The following PTK2 variants were observed in gnomAD, a reference collection of about 807,000 sequenced individuals.
PTK2 encodes focal adhesion kinase 1.
In PTK2, 45 loss-of-function variants were observed where a neutral mutation model predicts 150.1. That is an observed-to-expected ratio of 0.30 (90% CI 0.24 to 0.38). The LOEUF (loss-of-function observed/expected upper bound fraction) is 0.38, where lower values mean the gene tolerates loss of function less well. Among genes scored for constraint, PTK2 ranks in the 10% least tolerant of loss-of-function variants. The pLI is 1.00. For missense variants in PTK2, 919 were observed against 1,307.3 expected (o/e 0.70, Z 4.58); for synonymous variants, 432 against 449.2 (o/e 0.96, Z 0.48).
intron 1 of PTK2, among the ~76,000 whole-genome samples, chr8:140,948,295 A>ACT (rs2100178370): frequency 6.6e-6 from 1 of 152,236 alleles, no homozygotes; most frequent in Admixed American, 6.5e-5. Flanking sequence ...TCCCCAGAAC[A>ACT]CTTGTAGTTG....
At chr8:140,701,730 G>A (rs2100030577) in intron 25 of PTK2, among the ~76,000 whole-genome samples, 1 of 152,068 alleles carries the variant, frequency 6.6e-6, no homozygotes, top group African/African-American at 2.4e-5. Context: ...CAAATAAATG[G>A]ACTAAAGATT....
At chr8:140,706,554 C>T (rs1180088685) in intron 23 of PTK2, among the ~76,000 whole-genome samples, 1 of 152,066 alleles carries the variant, frequency 6.6e-6, no homozygotes, top group Admixed American at 6.5e-5. Flanking sequence ...GCCTGTAATC[C>T]CAGCACTTTG....
chr8:140,786,284 T>C (rs1389949885), intron 14 of PTK2, among the ~76,000 whole-genome samples: 2 of 152,200 alleles, frequency 1.3e-5, no homozygotes, highest in Non-Finnish European at 2.9e-5. Flanking sequence ...TGAACACGCT[T>C]ACTGTGGAGA....
chr8:140,882,614 T>G (rs1600422800), intron 3 of PTK2, among the ~76,000 whole-genome samples: 1 of 152,186 alleles, frequency 6.6e-6, no homozygotes, highest in East Asian at 1.9e-4. Context: ...TTTTCAAGGT[T>G]AAAATAAAAG....
At chr8:140,810,622 C>T (rs1352113557) in intron 10 of PTK2, among the ~76,000 whole-genome samples, 3 of 152,164 alleles carry the variant, frequency 2.0e-5, no homozygotes, top group Non-Finnish European at 4.4e-5. Flanking sequence ...GTTTTGCTGG[C>T]ACCTGTGTAC....
At chr8:140,697,415 T>C (rs902306787) in intron 26 of PTK2, among the ~76,000 whole-genome samples, 2 of 117,912 alleles carry the variant, frequency 1.7e-5, no homozygotes, top group African/African-American at 7.6e-5. Context: ...TAGAATACGG[T>C]TTGTGTGTGT....
intron 5 of PTK2, among the ~76,000 whole-genome samples, chr8:140,850,875 G>A (rs1421168550): frequency 6.6e-6 from 1 of 152,200 alleles, no homozygotes; most frequent in Non-Finnish European, 1.5e-5. Flanking sequence ...TTCACATTTT[G>A]TAACAGAAAA....
intron 26 of PTK2, among the ~76,000 whole-genome samples, chr8:140,687,447 GCTT>G (rs2100020614): frequency 6.6e-6 from 1 of 152,118 alleles, no homozygotes; most frequent in African/African-American, 2.4e-5. Flanking sequence ...AGAGCTGGTC[GCTT>G]CTTAGCCTGT....
At chr8:140,985,264 C>A (rs1346874527) in intron 1 of PTK2, among the ~76,000 whole-genome samples, 2 of 152,068 alleles carry the variant, frequency 1.3e-5, no homozygotes, top group African/African-American at 2.4e-5. Context: ...CCTGGGACTA[C>A]AGGTATGCAC....
chr8:140,669,832 C>CA, intron 29 of PTK2, 97 bp from the exon 33 acceptor site: 2 of 1,309,920 alleles, frequency 1.5e-6, no homozygotes, highest in Non-Finnish European at 1.1e-6. Context: ...ACAAATCCCC[C>CA]ATAAAAACAC....
In PTK2 at chr8:140,761,150, T is replaced by C; in HGVS notation, c.1332+15A>G. On this transcript the variant is annotated intron_variant, in intron 16 of 31. Coordinates refer to ENST00000522684, the Ensembl canonical transcript of PTK2. ...CAAAATTAGTCTAGTTGTTTGGTAG[T>C]CTTAAAAGACTTACTGGACTCATAT... 1 of 1,552,398 alleles carries C rather than the reference T, an allele frequency of 6.4e-7. No individual in the cohort carries two copies.
chr8:140,898,406 T>C (rs2100157167), intron 2 of PTK2, among the ~76,000 whole-genome samples: 1 of 152,178 alleles, frequency 6.6e-6, no homozygotes, highest in South Asian at 2.1e-4. Context: ...AGAGAGCAAA[T>C]GTGGACTGGA....
intron 14 of PTK2, among the ~76,000 whole-genome samples, chr8:140,768,565 C>T (rs1310412956): frequency 3.3e-5 from 5 of 151,834 alleles, no homozygotes; most frequent in Non-Finnish European, 5.9e-5. Context: ...TAAGACCTGA[C>T]CACTTGCCTC....
chr8:140,924,597 T>C (rs2100168768), intron 2 of PTK2, among the ~76,000 whole-genome samples: 2 of 152,180 alleles, frequency 1.3e-5, no homozygotes, highest in African/African-American at 4.8e-5. Context: ...ATGCTGGACG[T>C]CAGTGACAGT....
chr8:140,919,999 T>C (rs1260299705), intron 2 of PTK2, among the ~76,000 whole-genome samples: 1 of 152,152 alleles, frequency 6.6e-6, no homozygotes, highest in African/African-American at 2.4e-5. Context: ...AATCAGTCTA[T>C]ACCTCTACTC....
At chr8:140,963,559 A>T (rs2100184159) in intron 1 of PTK2, among the ~76,000 whole-genome samples, 2 of 152,194 alleles carry the variant, frequency 1.3e-5, no homozygotes, top group Admixed American at 6.5e-5. Flanking sequence ...TAACTGATCT[A>T]CTTTCTTTAT....
At chr8:140,998,334 T>A (rs2100198572) in intron 1 of PTK2, among the ~76,000 whole-genome samples, 1 of 152,096 alleles carries the variant, frequency 6.6e-6, no homozygotes, top group South Asian at 2.1e-4. Context: ...AATTAAGACA[T>A]CATAAAATAC....
intron 20 of PTK2, 65 bp downstream of exon 23, chr8:140,743,165 T>C (rs2100056677): frequency 9.0e-7 from 1 of 1,113,472 alleles, no homozygotes; most frequent in African/African-American, 1.5e-5. Context: ...TATTAGAACA[T>C]ACTGTTTTTA....
intron 3 of PTK2, among the ~76,000 whole-genome samples, chr8:140,889,925 T>C (rs906214065): frequency 2.0e-5 from 3 of 152,212 alleles, no homozygotes; most frequent in African/African-American, 7.2e-5. Context: ...CCAAAGGAAA[T>C]CCTTTCCAGT....
Sources: gnomAD v4.1 joint callset for allele counts (sites outside exome capture counted in the v4.1 genomes callset) on GRCh38, gnomAD v4.1.1 for gene constraint, MANE v1.5 for transcripts, NCBI Gene and HGNC (gene_info 2026-07-23, HGNC 2026-07-21) for gene names.